SPAG17: variants seen among roughly 807,000 people sequenced by gnomAD.
SPAG17 encodes sperm-associated antigen 17.
SPAG17 carries 169 observed loss-of-function variants against 273.6 expected under a neutral mutation model. That is an observed-to-expected ratio of 0.62 (90% CI 0.55 to 0.70). SPAG17 has a LOEUF of 0.70. Ranked by LOEUF, SPAG17 falls within the 30% of genes least tolerant of loss-of-function variation. The probability of loss-of-function intolerance (pLI) is 0.00; values close to 1 mark genes in which losing one functional copy is unlikely to be tolerated. For synonymous variants in SPAG17, 825 were observed against 873.2 expected, an observed-to-expected ratio of 0.94 and a Z score of 0.97; for missense variants, 2,557 against 2,627.8, an observed-to-expected ratio of 0.97 and a Z score of 0.59.
chr1:118,015,993 A>G lies in SPAG17; in HGVS notation c.4259T>C (p.Phe1420Ser). ...RIADLTPLLS[F>S]QATDPVNGTV... The stretch of plus-strand genomic sequence containing the variant: ...TCCATTGACAGGATCTGTGGCCTGA[A>G]AGGATAACAATGGGGTCAAGTCTGC... The change falls in exon 29 of 49, where the codon TTT becomes TCT. Residue 1420 changes from phenylalanine (F) to serine (S), a missense_variant. Transcript: ENST00000336338. 1 of 1,614,028 alleles carries G rather than the reference A, an allele frequency of 6.2e-7. No individual in the cohort carries two copies. Among genetic ancestry groups the G allele is most frequent in the Non-Finnish European group, 8.5e-7 (1 of 1,179,932 alleles).
chr1:118,088,296 C>T (rs192963821), intron 10 of SPAG17, among the ~76,000 whole-genome samples: 45 of 152,132 alleles, frequency 3.0e-4, no homozygotes, highest in African/African-American at 7.2e-4. Context: ...TGTTAGGCGC[C>T]GAGCTCATTA....
chr1:118,081,410 T>C lies in SPAG17; in HGVS notation c.1990+5A>G, dbSNP rs766168054. On this transcript the variant is annotated splice_donor_5th_base_variant and intron_variant, in intron 14 of 48. Transcript: ENST00000336338. ...AATGCTTTCCATTCCCTCCATGCAGTGTACCTGCTTTCTGCTTGGCCTCTT... is the reference window on the plus strand; with the variant it reads ...AATGCTTTCCATTCCCTCCATGCAGCGTACCTGCTTTCTGCTTGGCCTCTT... 19 of 1,613,308 alleles carry C rather than the reference T, an allele frequency of 1.2e-5. No individual in the cohort carries two copies. The Admixed American group carries it at 1.3e-4, about 11-fold the overall frequency.
chr1:118,125,245 A>ATT (rs1553253449), intron 3 of SPAG17, among the ~76,000 whole-genome samples: 1 of 150,750 alleles, frequency 6.6e-6, no homozygotes, highest in Non-Finnish European at 1.5e-5. Flanking sequence ...ATATATATAT[A>ATT]TTTTTGACAT....
At position 118,073,961 on chromosome 1, in the gene SPAG17, T is replaced by C; in HGVS notation, c.2278A>G (p.Lys760Glu). 6.4e-7 allele frequency: 1 copy of C among 1,553,438 alleles called. No homozygotes were observed. Among genetic ancestry groups the C allele is most frequent in the South Asian group, 1.2e-5 (1 of 80,434 alleles). The change falls in exon 17 of 49, where the codon AAG (lysine) becomes GAG (glutamate). Residue 760 changes from lysine (K) to glutamate (E), a missense_variant. Coordinates refer to ENST00000336338, the MANE Select transcript of SPAG17 (RefSeq NM_206996.4). ...TKADSHEKKP[K>E]KMMVEADLED... is the part of the protein sequence containing the mutation. ...AAATCTGCTTCCACCATCATCTTCT[T>C]GGGTTTCTAAAATATCATAGGAACA...
chr1:118,180,850 G>T (rs956612883), intron 1 of SPAG17, among the ~76,000 whole-genome samples: 7 of 151,888 alleles, frequency 4.6e-5, no homozygotes, highest in Non-Finnish European at 1.0e-4. Context: ...AAAATGCATG[G>T]ACAAATTTAT....
rs569115877 is a variant in SPAG17 at position 118,185,043 on chromosome 1, G to A, written c.87+28C>T. The A allele has an allele frequency of 6.2e-6, 10 of 1,604,830 alleles. No homozygotes were observed. In the East Asian group the frequency reaches 8.9e-5, roughly 14 times the overall value. Reference sequence around the variant, plus strand: ...CGGGCCTCTGGCATTGCCGGGGGCAGGGAGGGCTTAAAGGGCTCAAGGCTC... The same window carrying A: ...CGGGCCTCTGGCATTGCCGGGGGCAAGGAGGGCTTAAAGGGCTCAAGGCTC... On this transcript the variant is annotated intron_variant, in intron 1 of 48. Transcript: ENST00000336338.
At chr1:118,153,566 A>G (rs1445878539) in intron 1 of SPAG17, among the ~76,000 whole-genome samples, 3 of 152,194 alleles carry the variant, frequency 2.0e-5, no homozygotes, top group Admixed American at 6.5e-5. Flanking sequence ...TAGATTAGGT[A>G]GGCTGGGCAT....
At chr1:118,025,538 C>T (rs961114183) in intron 26 of SPAG17, 122 bp from the exon 27 acceptor site, 15 of 810,034 alleles carry the variant, frequency 1.9e-5, no homozygotes, top group Non-Finnish European at 2.3e-5. Flanking sequence ...GACAAAGTCT[C>T]GCTTTGTCAT....
At chr1:118,040,522 C>G (rs1268167490) in intron 22 of SPAG17, among the ~76,000 whole-genome samples, 1 of 151,998 alleles carries the variant, frequency 6.6e-6, no homozygotes, top group Non-Finnish European at 1.5e-5. Context: ...TAGCATGTAC[C>G]AGCTAAACCC....
At chr1:118,152,613 A>G (rs1659448054) in intron 1 of SPAG17, among the ~76,000 whole-genome samples, 1 of 152,156 alleles carries the variant, frequency 6.6e-6, no homozygotes, top group Non-Finnish European at 1.5e-5. Context: ...AAACACATGT[A>G]AAAGCATAAA....
rs1571178708 is a variant in SPAG17, at chr1:117,994,321, AT to A, written c.5178+84del. The A allele has an allele frequency of 1.1e-5, 15 of 1,345,344 alleles. No individual in the cohort carries two copies. The East Asian group carries it at 3.7e-4, about 33-fold the overall frequency. 83.3% of individuals were successfully genotyped at this position (1,345,344 alleles called of 1,614,324 possible). On this transcript the variant is annotated intron_variant, in intron 35 of 48. Coordinates refer to ENST00000336338, the MANE Select transcript of SPAG17 (RefSeq NM_206996.4). Reference sequence around the variant, plus strand: ...CATAAGAATGAAAATATATGAATATATGGGAGAAGACTTAAGACTCTGGTCC... The same window carrying A: ...CATAAGAATGAAAATATATGAATATAGGGAGAAGACTTAAGACTCTGGTCC...
intron 23 of SPAG17, 119 bp from the exon 24 acceptor site, chr1:118,037,002 A>G (rs1649162168): frequency 1.4e-6 from 1 of 705,300 alleles, no homozygotes; most frequent in Non-Finnish European, 2.4e-6. Context: ...AACTTAAAAA[A>G]TAATTGGTTT....
At chr1:118,064,360 G>C (rs1557976896) in intron 18 of SPAG17, among the ~76,000 whole-genome samples, 2 of 151,498 alleles carry the variant, frequency 1.3e-5, no homozygotes, top group Admixed American at 1.3e-4. Context: ...CGATAGACTG[G>C]ATTAAGAAAA....
rs1486956190 is a variant in SPAG17 at position 118,064,547 on chromosome 1, G to T, written c.2540+2198C>A. The stretch of plus-strand genomic sequence containing the variant: ...TCGGAATTGAACAATGAGAACACAT[G>T]GACACAGGAAGGGGAACATCACACT... On this transcript the variant is annotated intron_variant, in intron 18 of 48. Coordinates refer to ENST00000336338, the MANE Select transcript of SPAG17 (RefSeq NM_206996.4). Among the ~76,000 whole-genome samples the T allele has an allele frequency of 3.8e-4, 54 of 141,690 alleles. 2 individuals are homozygous for T. The highest frequency in any genetic ancestry group is 4.3e-4 in the East Asian group (2 of 4,654). 93.0% of individuals were successfully genotyped at this position (141,690 alleles called of 152,430 possible).
At chr1:118,046,319 A>G (rs911495997) in intron 20 of SPAG17, among the ~76,000 whole-genome samples, 2 of 152,278 alleles carry the variant, frequency 1.3e-5, no homozygotes, top group South Asian at 2.1e-4. Context: ...CCTGGGGGAC[A>G]GAGTGAGACC....
intron 1 of SPAG17, among the ~76,000 whole-genome samples, chr1:118,153,364 C>CAT (rs1045312370): frequency 2.6e-5 from 4 of 152,156 alleles, no homozygotes; most frequent in Non-Finnish European, 1.5e-5. Flanking sequence ...GTCATTTTGG[C>CAT]AGAACCTCAT....
intron 24 of SPAG17, among the ~76,000 whole-genome samples, chr1:118,035,243 A>G (rs1296170820): frequency 6.6e-6 from 1 of 152,218 alleles, no homozygotes; most frequent in African/African-American, 2.4e-5. Context: ...CAAATGCCAT[A>G]TTCATAACTT....
intron 24 of SPAG17, among the ~76,000 whole-genome samples, chr1:118,032,903 A>G (rs1454441250): frequency 6.6e-6 from 1 of 152,024 alleles, no homozygotes; most frequent in African/African-American, 2.4e-5. Context: ...AATCCCCTAA[A>G]TGTTTTTAGG....
At chr1:118,163,690 G>T (rs1181704016) in intron 1 of SPAG17, among the ~76,000 whole-genome samples, 1 of 151,118 alleles carries the variant, frequency 6.6e-6, no homozygotes, top group Non-Finnish European at 1.5e-5. Context: ...CTTCACCTAA[G>T]CCCAGACTCC....
Sources: gnomAD v4.1 joint callset for allele counts (sites outside exome capture counted in the v4.1 genomes callset) on GRCh38, gnomAD v4.1.1 for gene constraint, MANE v1.5 for transcripts, NCBI Gene and HGNC (gene_info 2026-07-23, HGNC 2026-07-21) for gene names.